The following PRRC2B variants were observed in gnomAD, a reference collection of about 807,000 sequenced individuals.
The protein encoded by PRRC2B is protein PRRC2B.
A neutral mutation model predicts 242.3 loss-of-function variants in PRRC2B; 68 were observed. That is an observed-to-expected ratio of 0.28 (90% CI 0.23 to 0.34). The LOEUF is 0.34. Ranked by LOEUF, PRRC2B falls within the 10% of genes least tolerant of loss-of-function variation. PRRC2B has a pLI of 1.00. For missense variants in PRRC2B, 2,835 were observed against 2,954.8 expected, an observed-to-expected ratio of 0.96 and a Z score of 0.94; for synonymous variants, 1,228 against 1,173.6, an observed-to-expected ratio of 1.05 and a Z score of -0.95.
At chr9:131,409,725 C>G (rs1347813107) in intron 1 of PRRC2B, among the ~76,000 whole-genome samples, 1 of 152,134 alleles carries the variant, frequency 6.6e-6, no homozygotes, top group Non-Finnish European at 1.5e-5. Context: ...CACCCTGGCT[C>G]CTGGTATTGG....
chr9:131,442,222 T>C (rs1010890246), intron 5 of PRRC2B, among the ~76,000 whole-genome samples: 2 of 152,032 alleles, frequency 1.3e-5, no homozygotes, highest in Non-Finnish European at 2.9e-5. Context: ...AGCTTCAGTC[T>C]TCTGGGCTCA....
intron 1 of PRRC2B, among the ~76,000 whole-genome samples, chr9:131,420,496 T>TCTTTTCTTTCTTTCTTTC (rs59621148): frequency 1.3e-5 from 1 of 75,898 alleles, no homozygotes; most frequent in Non-Finnish European, 2.7e-5. Context: ...TTTCTTTCTT[T>TCTTTTCTTTCTTTCTTTC]TTTTTTTTTT....
chr9:131,393,751 C>T (rs1450844440), upstream of PRRC2B, among the ~76,000 whole-genome samples: 2 of 151,042 alleles, frequency 1.3e-5, no homozygotes, highest in African/African-American at 2.4e-5. Flanking sequence ...CGGGCCCATG[C>T]CCTTCCCAGG....
In PRRC2B at chr9:131,469,839, T is replaced by C. The variant is rs1363625380; in HGVS notation, c.1912-949T>C. On this transcript the variant is annotated intron_variant, in intron 13 of 31. Transcript: ENST00000683519. ...TAATTTGTTTACCCATTTGTGCAAA[T>C]GTTCTGTATCCTGAGTGTGGTGCTG... is the stretch of plus-strand genomic sequence containing the variant. Among the ~76,000 whole-genome samples the C allele has an allele frequency of 7.2e-5, 11 of 152,192 alleles. 1 individual carries two copies. The highest frequency in any genetic ancestry group is 6.5e-4 in the Admixed American group (10 of 15,282).
chr9:131,490,648 A>G (rs1224151772), intron 28 of PRRC2B: 1 of 516,722 alleles, frequency 1.9e-6, no homozygotes, highest in South Asian at 1.4e-5. Context: ...CCCACCTCGC[A>G]TATCTTGTTC....
In PRRC2B at chr9:131,475,250, G is replaced by T; in HGVS notation, c.3121G>T (p.Val1041Phe). The stretch of plus-strand genomic sequence containing the variant: ...CAGACCCCCACGAGAGTCCAGCGAT[G>T]TTCCCCCCATGAAGAGAAATAACTG... ...EARPPRESSD[V>F]PPMKRNNWIF... is the part of the protein sequence containing the mutation. Residue 1041 changes from valine (V) to phenylalanine (F), a missense_variant, in exon 16 of 32, where the codon GTT becomes TTT. Physicochemically the swap from Val to Phe is conservative, Grantham distance 50. Transcript: ENST00000683519. The T allele has an allele frequency of 6.2e-7, 1 of 1,613,530 alleles. No homozygotes were observed. The highest frequency in any genetic ancestry group is 1.1e-5 in the South Asian group (1 of 91,088).
chr9:131,476,224 C>T lies in PRRC2B; in HGVS notation c.4095C>T (p.Asn1365=). Residue 1365 remains asparagine (N), a synonymous_variant, in exon 16 of 32, where the codon AAC becomes AAT. Coordinates refer to ENST00000683519, the MANE Select transcript of PRRC2B (RefSeq NM_013318.4). ...GRRSPELSYQ[N]SSDHANEEWE... Reference sequence around the variant, plus strand: ...GGTCCCCTGAGCTCTCCTACCAGAACTCCTCCGATCACGCCAATGAGGAGT... The same window carrying T: ...GGTCCCCTGAGCTCTCCTACCAGAATTCCTCCGATCACGCCAATGAGGAGT... 1.2e-6 allele frequency: 2 copies of T among 1,613,400 alleles called. No individual in the cohort carries two copies. Among genetic ancestry groups the T allele is most frequent in the Non-Finnish European group, 1.7e-6 (2 of 1,179,728 alleles).
At chr9:131,378,202 G>A (rs1234646558) in intron 1 of PRRC2B, among the ~76,000 whole-genome samples, 1 of 151,782 alleles carries the variant, frequency 6.6e-6, no homozygotes, top group African/African-American at 2.4e-5. Context: ...CCAGCTACTC[G>A]GGAGGCTGAG....
intron 1 of PRRC2B, among the ~76,000 whole-genome samples, chr9:131,402,486 A>G (rs1837252863): frequency 2.0e-5 from 3 of 152,178 alleles, no homozygotes; most frequent in Admixed American, 2.0e-4. Context: ...CATTTTATTT[A>G]TTCATTCAGC....
chr9:131,391,372 C>T (rs1370749539), upstream of PRRC2B, among the ~76,000 whole-genome samples: 2 of 152,150 alleles, frequency 1.3e-5, no homozygotes, highest in African/African-American at 2.4e-5. Flanking sequence ...TCATCAACCA[C>T]ATCTTCTCCG....
At chr9:131,431,332 G>A (rs1251059394) in intron 2 of PRRC2B, among the ~76,000 whole-genome samples, 7 of 151,720 alleles carry the variant, frequency 4.6e-5, no homozygotes, top group Non-Finnish European at 8.8e-5. Context: ...GGGTTTCACC[G>A]TGTTAGCCAG....
chr9:131,420,453 TTTTCTTTCTTTCTTTC>T (rs148112779), intron 1 of PRRC2B, among the ~76,000 whole-genome samples: 2 of 61,056 alleles, frequency 3.3e-5, no homozygotes, highest in African/African-American at 1.1e-4. Flanking sequence ...TTCTTTTTCT[TTTTCTTTCTTTCTTTC>T]TTTCTTTCTT....
chr9:131,479,317 C>T lies in PRRC2B; in HGVS notation c.4824C>T (p.Asn1608=), dbSNP rs1943792947. Residue 1608 remains asparagine, a synonymous_variant, in exon 19 of 32, where the codon AAC becomes AAT. Transcript: ENST00000683519. ...IPPRFAKKQN[N]LCLEQGDVTV... is the part of the protein sequence containing the mutation. ...CTCGATTTGCAAAAAAGCAGAACAA[C>T]TTATGTCTGGAGCAAGGTGACGTGA... is the stretch of plus-strand genomic sequence containing the variant. 1 of 1,613,902 alleles carries T rather than the reference C, an allele frequency of 6.2e-7. No individual in the cohort carries two copies. Among genetic ancestry groups the T allele is most frequent in the South Asian group, 1.1e-5 (1 of 91,076 alleles).
intron 5 of PRRC2B, among the ~76,000 whole-genome samples, chr9:131,442,598 G>A (rs766625215): frequency 7.9e-5 from 12 of 152,154 alleles, no homozygotes; most frequent in African/African-American, 2.7e-4. Flanking sequence ...TGATCCAGCC[G>A]CGCCTTTCCG....
In PRRC2B at chr9:131,496,272, T is replaced by C. The variant is rs894120365; in HGVS notation, c.*398T>C. The C allele has an allele frequency of 2.3e-5, 4 of 173,736 alleles. No homozygotes were observed. Among genetic ancestry groups the C allele is most frequent in the Non-Finnish European group, 4.8e-5 (4 of 82,608 alleles). The allele number at this position is 173,736 out of a possible 1,614,324, so 10.8% of individuals were successfully genotyped here. A position where few individuals can be genotyped will look rare whatever the true frequency, so the allele number is the denominator to read the frequency against. On this transcript the variant is annotated 3_prime_UTR_variant, in exon 32 of 32. Transcript: ENST00000683519. Reference sequence around the variant, plus strand: ...GCACAGTGATTTGGCAGCAGGGTCATTTTACTTTGAGGCTTTTTGTTTTAA... The same window carrying C: ...GCACAGTGATTTGGCAGCAGGGTCACTTTACTTTGAGGCTTTTTGTTTTAA...
chr9:131,464,266 G>A lies in PRRC2B; in HGVS notation c.1405-497G>A, dbSNP rs1023146658. On this transcript the variant is annotated intron_variant, in intron 11 of 31. Transcript: ENST00000683519. ...CAACATGCTTAATAAAGATCACTTC[G>A]AAGCTTTATGTCTGACAGTGAATTT... Among the ~76,000 whole-genome samples, 5 of 152,260 alleles carry A rather than the reference G, an allele frequency of 3.3e-5. No individual in the cohort carries two copies. The East Asian group carries it at 5.8e-4, about 18-fold the overall frequency.
Position 131,475,675 on chromosome 9 carries a change from G to C in PRRC2B, c.3546G>C (p.Lys1182Asn), listed in dbSNP as rs1221242061. The C allele has an allele frequency of 3.1e-6, 5 of 1,611,946 alleles. No individual in the cohort carries two copies. Among genetic ancestry groups the C allele is most frequent in the Non-Finnish European group, 4.2e-6 (5 of 1,179,214 alleles). ...GCAGAGATTCTTGGCGGTCCAACAA[G>C]GGGTGCTCTGAGGACCACAGCGGTC... is the stretch of plus-strand genomic sequence containing the variant. ...GDCRDSWRSN[K>N]GCSEDHSGLD... The change falls in exon 16 of 32, where the codon AAG becomes AAC. Residue 1182 changes from lysine to asparagine, a missense_variant. By Grantham distance (94) the Lys-to-Asn change is moderately conservative (BLOSUM62 0). Coordinates refer to ENST00000683519, the MANE Select transcript of PRRC2B (RefSeq NM_013318.4).
chr9:131,475,620 G>A lies in PRRC2B; in HGVS notation c.3491G>A (p.Arg1164Lys). 2 of 1,612,182 alleles carry A rather than the reference G, an allele frequency of 1.2e-6. No homozygotes were observed. The highest frequency in any genetic ancestry group is 2.2e-5 in the South Asian group (2 of 90,946). The change falls in exon 16 of 32, where the codon AGG becomes AAG. Residue 1164 changes from arginine (R) to lysine (K), a missense_variant. Around this residue, in one of 7 missense-constraint regions of PRRC2B, gnomAD observed 1,536 missense variants for 1,483.1 expected, o/e 1.04. Coordinates refer to ENST00000683519, the MANE Select transcript of PRRC2B (RefSeq NM_013318.4). ...GGGAATGAAGGCTCGCTCCTGGAGA[G>A]GGAGGAGAGCACCTTGAAGAAGGGC... ...ENGNEGSLLE[R>K]EESTLKKGDC...
At chr9:131,408,533 A>G (rs1191662573) in intron 1 of PRRC2B, among the ~76,000 whole-genome samples, 1 of 152,186 alleles carries the variant, frequency 6.6e-6, no homozygotes, top group African/African-American at 2.4e-5. Flanking sequence ...GAACTTATGT[A>G]TATTTTTAGA....
Sources: allele counts gnomAD v4.1 joint callset (sites outside exome capture counted in the v4.1 genomes callset), GRCh38; gene constraint gnomAD v4.1.1; regional missense constraint gnomAD v4.1.1; transcripts MANE v1.5; gene names NCBI Gene and HGNC (gene_info 2026-07-23, HGNC 2026-07-21).